The following GTF3C1 variants were observed in gnomAD, a reference collection of about 807,000 sequenced individuals.
GTF3C1 encodes the protein general transcription factor 3C polypeptide 1.
Under a neutral mutation model 226.7 loss-of-function variants are expected in GTF3C1, and 57 were observed. The ratio of observed to expected loss-of-function variants is 0.25; its 90% confidence interval spans 0.20 to 0.31. GTF3C1 has a LOEUF of 0.31. Ranked by LOEUF, GTF3C1 falls within the 10% of genes least tolerant of loss-of-function variation. The pLI, the probability that GTF3C1 is intolerant of heterozygous loss-of-function variation, is 1.00. For missense variants in GTF3C1, 2,217 were observed against 2,776.1 expected, an observed-to-expected ratio of 0.80 and a Z score of 4.53; for synonymous variants, 1,090 against 1,084.8, an observed-to-expected ratio of 1.00 and a Z score of -0.09.
chr16:27,488,744 A>G, intron 21 of GTF3C1, 109 bp from the exon 22 acceptor site: 1 of 904,824 alleles, frequency 1.1e-6, no homozygotes, highest in Non-Finnish European at 1.7e-6. Flanking sequence ...GCCGCTGTGC[A>G]CTGACAGCCA....
chr16:27,519,726 AAG>A (rs565772923), intron 6 of GTF3C1, among the ~76,000 whole-genome samples: 2 of 152,326 alleles, frequency 1.3e-5, no homozygotes, highest in South Asian at 2.1e-4. Flanking sequence ...CAAAAGAAAA[AAG>A]AGAGAGAGAC....
chr16:27,489,000 G>A, intron 21 of GTF3C1, 43 bp downstream of exon 21: 1 of 1,589,130 alleles, frequency 6.3e-7, no homozygotes, highest in South Asian at 1.1e-5. Context: ...AGGGTGAGTA[G>A]CGAGGACCCC....
At chr16:27,522,085 A>T (rs565417113) in intron 6 of GTF3C1, among the ~76,000 whole-genome samples, 2 of 152,156 alleles carry the variant, frequency 1.3e-5, no homozygotes, top group Non-Finnish European at 2.9e-5. Context: ...TTTCTTGGAT[A>T]TTATTTACTT....
Position 27,469,958 on chromosome 16 carries a change from C to A in GTF3C1, c.4814+150G>T. On this transcript the variant is annotated intron_variant, in intron 31 of 36. Coordinates refer to ENST00000356183, the MANE Select transcript of GTF3C1 (RefSeq NM_001520.4). This position sits in a 1 kb window ranked among gnomAD's most constrained non-coding sequence, Gnocchi z 4.5. ...ACACCTGGGAGGCACCAGCAGAGGACACCTTAGACACCGGCCTATAATCCC... is the reference window on the plus strand; with the variant it reads ...ACACCTGGGAGGCACCAGCAGAGGAAACCTTAGACACCGGCCTATAATCCC... The A allele has an allele frequency of 1.4e-6, 1 of 703,634 alleles. No individual in the cohort carries two copies. 43.6% of individuals were successfully genotyped at this position (703,634 alleles called of 1,614,324 possible). A position where few individuals can be genotyped will look rare whatever the true frequency, so the allele number is the denominator to read the frequency against.
In GTF3C1 at chr16:27,464,056, G is replaced by A. The variant is rs544947059; in HGVS notation, c.5872+264C>T. On this transcript the variant is annotated intron_variant, in intron 34 of 36. Transcript: ENST00000356183. The stretch of plus-strand genomic sequence containing the variant: ...ACTGCCCCACAGCAGCCGCTGCAGT[G>A]CACACGCTGGCCCCACCGCCTGAGC... The A allele has an allele frequency of 4.9e-4, 217 of 443,032 alleles. No individual in the cohort carries two copies. The East Asian group carries it at 7.8e-3, about 16-fold the overall frequency. The allele number at this position is 443,032 out of a possible 1,614,324, so 27.4% of individuals were successfully genotyped here.
intron 6 of GTF3C1, among the ~76,000 whole-genome samples, chr16:27,522,364 C>A (rs1311759585): frequency 6.6e-6 from 1 of 152,206 alleles, no homozygotes; most frequent in African/African-American, 2.4e-5. Context: ...CATGACTGAC[C>A]ACGCCTTCCC....
rs1381720063 is a variant in GTF3C1, at chr16:27,471,718, G to A, written c.4526+30C>T. The A allele has an allele frequency of 6.3e-7, 1 of 1,577,824 alleles. No homozygotes were observed. Among genetic ancestry groups the A allele is most frequent in the Non-Finnish European group, 8.7e-7 (1 of 1,147,742 alleles). On this transcript the variant is annotated intron_variant, in intron 30 of 36. Coordinates refer to ENST00000356183, the MANE Select transcript of GTF3C1 (RefSeq NM_001520.4). The surrounding 1 kb of genome is among the most constrained non-coding windows in gnomAD (Gnocchi z 5.0). ...ACAGACAGGGCGTGGCTCCACCTCG[G>A]AGTACCCAAGGCTCCTGACAGGTAC...
intron 33 of GTF3C1, among the ~76,000 whole-genome samples, 200 bp downstream of exon 33, chr16:27,465,060 G>A (rs771574952): frequency 2.0e-5 from 3 of 152,194 alleles, no homozygotes; most frequent in Non-Finnish European, 4.4e-5. Flanking sequence ...CACGTCAGCC[G>A]TGTGACCTTT....
At chr16:27,536,606 G>C (rs2089005197) in intron 4 of GTF3C1, among the ~76,000 whole-genome samples, 2 of 152,172 alleles carry the variant, frequency 1.3e-5, no homozygotes, top group East Asian at 1.9e-4. Flanking sequence ...ACGCACATGT[G>C]TCAAGCACTT....
In GTF3C1 at chr16:27,464,642, C is replaced by T; in HGVS notation, c.5550G>A (p.Gln1850=). 1 of 1,514,918 alleles carries T rather than the reference C, an allele frequency of 6.6e-7. No individual in the cohort carries two copies. The highest frequency in any genetic ancestry group is 8.8e-7 in the Non-Finnish European group (1 of 1,133,580). The allele number at this position is 1,514,918 out of a possible 1,614,324, so 93.8% of individuals were successfully genotyped here. A position where few individuals can be genotyped will look rare whatever the true frequency, so the allele number is the denominator to read the frequency against. ...SSSEDSPPEG[Q]APPSHSPRGT... Reference sequence around the variant, plus strand: ...CCCGGGGGCTGTGAGAAGGAGGTGCCTGCCCCTCGGGGGGGCTGTCCTCAC... The same window carrying T: ...CCCGGGGGCTGTGAGAAGGAGGTGCTTGCCCCTCGGGGGGGCTGTCCTCAC... Residue 1850 remains glutamine, a synonymous_variant, in exon 34 of 37, where the codon CAG becomes CAA. Transcript: ENST00000356183.
At position 27,495,477 on chromosome 16, in the gene GTF3C1, C is replaced by A. The variant is rs777662266; in HGVS notation, c.2366G>T (p.Arg789Leu). 1 of 1,613,056 alleles carries A rather than the reference C, an allele frequency of 6.2e-7. No individual in the cohort carries two copies. The highest frequency in any genetic ancestry group is 8.5e-7 in the Non-Finnish European group (1 of 1,179,544). ...CATTTTGGGCAGAAATCCTAGAGAA[C>A]GCCCCAGTCCGGGAACTAAAGCAAG... ...YHPIVVPGLG[R>L]SLGFLPKMPR... Residue 789 changes from arginine to leucine, a missense_variant, in exon 15 of 37, where the codon CGT becomes CTT. This residue lies in a region of GTF3C1 where 100 missense variants were observed against 139.9 expected (regional missense o/e 0.71). Transcript: ENST00000356183.
chr16:27,528,049 G>A (rs1339402740), intron 6 of GTF3C1, among the ~76,000 whole-genome samples: 4 of 152,078 alleles, frequency 2.6e-5, no homozygotes, highest in Admixed American at 6.5e-5. Flanking sequence ...CAAGGTGAGT[G>A]GATCACCTGA....
chr16:27,476,534 T>C lies in GTF3C1; in HGVS notation c.4270A>G (p.Ile1424Val). Residue 1424 changes from isoleucine to valine, a missense_variant, in exon 29 of 37, where the codon ATC becomes GTC. By Grantham distance (29) the Ile-to-Val change is conservative. Around this residue, in one of 12 missense-constraint regions of GTF3C1, gnomAD observed 546 missense variants for 663.0 expected, o/e 0.82. Coordinates refer to ENST00000356183, the MANE Select transcript of GTF3C1 (RefSeq NM_001520.4). ...KEDELNSVDD[I>V]HFLVLQNLIQ... ...AGGTTCTGAAGCACCAGAAAGTGGA[T>C]GTCATCCACGCTGAAAGAGAGGGGG... The C allele has an allele frequency of 6.2e-7, 1 of 1,606,838 alleles. No homozygotes were observed. Among genetic ancestry groups the C allele is most frequent in the Non-Finnish European group, 8.5e-7 (1 of 1,173,684 alleles).
rs966014151 is a variant in GTF3C1, at chr16:27,483,038, A to T, written c.4083+6T>A. On this transcript the variant is annotated splice_donor_region_variant and intron_variant, in intron 26 of 36. Coordinates refer to ENST00000356183, the MANE Select transcript of GTF3C1 (RefSeq NM_001520.4). ...ATACCAAGCCCTACACTCACACAGG[A>T]CCTACCTTTGGGTCATCATAGTCAC... The T allele has an allele frequency of 5.0e-6, 8 of 1,613,396 alleles. No individual in the cohort carries two copies. Among genetic ancestry groups the T allele is most frequent in the Non-Finnish European group, 8.5e-7 (1 of 1,179,472 alleles).
Position 27,484,300 on chromosome 16 carries a change from C to T in GTF3C1, c.3912G>A (p.Thr1304=), listed in dbSNP as rs749141372. 5.6e-6 allele frequency: 9 copies of T among 1,607,730 alleles called. No homozygotes were observed. Among genetic ancestry groups the T allele is most frequent in the South Asian group, 2.2e-5 (2 of 90,942 alleles). ...ATGTTTTATCCAAAGACTCTTCAAA[C>T]GTGGCATGCAAAATGTCCCGTACCA... The part of the protein sequence containing the change: ...WQVVRDILHA[T]FEESLDKTSH... Residue 1304 remains threonine (T), a synonymous_variant, in exon 25 of 37, where the codon ACG becomes ACA. Coordinates refer to ENST00000356183, the MANE Select transcript of GTF3C1 (RefSeq NM_001520.4).
intron 25 of GTF3C1, among the ~76,000 whole-genome samples, chr16:27,483,802 C>T (rs2088093675): frequency 6.6e-6 from 1 of 152,158 alleles, no homozygotes; most frequent in Non-Finnish European, 1.5e-5. Flanking sequence ...CCAGGTCCTG[C>T]CTAGCTTGCT....
intron 21 of GTF3C1, 95 bp from the exon 22 acceptor site, chr16:27,488,730 A>C (rs1370305298): frequency 9.5e-7 from 1 of 1,057,996 alleles, no homozygotes; most frequent in Non-Finnish European, 1.4e-6. Flanking sequence ...TTAGGAAGGT[A>C]AGGGCCGCTG....
At chr16:27,538,977 C>CAT (rs1165022673) in intron 2 of GTF3C1, among the ~76,000 whole-genome samples, 23 of 143,098 alleles carry the variant, frequency 1.6e-4, no homozygotes, top group Admixed American at 4.9e-4. Flanking sequence ...CATATACACA[C>CAT]ACACACACAC....
chr16:27,531,625 G>A (rs1596656477), intron 5 of GTF3C1, among the ~76,000 whole-genome samples: 1 of 152,334 alleles, frequency 6.6e-6, no homozygotes, highest in South Asian at 2.1e-4. Flanking sequence ...CACACTCCCT[G>A]AAGTATCTGT....
Sources: gnomAD v4.1 joint callset for allele counts (sites outside exome capture counted in the v4.1 genomes callset) on GRCh38, gnomAD v4.1.1 for gene constraint, gnomAD v4.1.1 regional missense constraint, Gnocchi (gnomAD v3.1) non-coding constraint, MANE v1.5 for transcripts, NCBI Gene and HGNC (gene_info 2026-07-23, HGNC 2026-07-21) for gene names.